Variants in MCIDAS observed in about 807,000 individuals in gnomAD.
The protein encoded by MCIDAS is multiciliate differentiation and DNA synthesis associated cell cycle protein, also known as multicilin.
In MCIDAS, 23 loss-of-function variants were observed where a neutral mutation model predicts 35.4. The observed-to-expected ratio is 0.65, with a 90% confidence interval of 0.47 to 0.92. MCIDAS has a LOEUF of 0.92. MCIDAS is among the 40% of genes least tolerant of loss of function. The pLI is 0.00. For missense variants in MCIDAS, 480 were observed against 531.8 expected (o/e 0.90, Z 0.96); for synonymous variants, 228 against 235.2 (o/e 0.97, Z 0.28).
chr5:55,226,800 A>T, intron 2 of MCIDAS, 35 bp downstream of exon 2: 1 of 1,387,194 alleles, frequency 7.2e-7, no homozygotes, highest in Non-Finnish European at 9.3e-7. Flanking sequence ...CGGCGCGGGG[A>T]ACCCGAGGGG....
chr5:55,226,304 G>C (rs575720682), intron 3 of MCIDAS, among the ~76,000 whole-genome samples: 1 of 152,284 alleles, frequency 6.6e-6, no homozygotes, highest in South Asian at 2.1e-4. Context: ...AGAGTAGATA[G>C]GGTGGGAAAT....
At position 55,226,638 on chromosome 5, in the gene MCIDAS, C is replaced by T; in HGVS notation, c.247G>A (p.Ala83Thr). The T allele has an allele frequency of 6.5e-7, 1 of 1,532,182 alleles. No individual in the cohort carries two copies. Among genetic ancestry groups the T allele is most frequent in the Non-Finnish European group, 8.7e-7 (1 of 1,145,102 alleles). The allele number at this position is 1,532,182 out of a possible 1,614,324, so 94.9% of individuals were successfully genotyped here. ...ALTTIDLQDL[A>T]DCSSLLGSDA... ...GACCCGAGTAGCGAAGAGCAGTCAGCGAGGTCCTGCAGGTCTATGGTGGTG... is the reference window on the plus strand; with the variant it reads ...GACCCGAGTAGCGAAGAGCAGTCAGTGAGGTCCTGCAGGTCTATGGTGGTG... The change falls in exon 3 of 7, where the codon GCT becomes ACT. Residue 83 changes from alanine (A) to threonine (T), a missense_variant. By Grantham distance (58) the Ala-to-Thr change is moderately conservative (BLOSUM62 0). Coordinates refer to ENST00000513312, the MANE Select transcript of MCIDAS (RefSeq NM_001190787.3).
intron 3 of MCIDAS, among the ~76,000 whole-genome samples, chr5:55,226,313 A>G (rs1408297468): frequency 1.3e-5 from 2 of 152,160 alleles, no homozygotes; most frequent in African/African-American, 4.8e-5. Context: ...AGGGTGGGAA[A>G]TAGGAGGGGA....
chr5:55,222,110 C>T (rs1452848526), intron 5 of MCIDAS, 66 bp downstream of exon 5: 1 of 1,472,820 alleles, frequency 6.8e-7, no homozygotes, highest in East Asian at 2.5e-5. Context: ...CCTTGCAAAC[C>T]CCACTTCCAC....
Position 55,222,175 on chromosome 5 carries a change from C to T in MCIDAS, c.606+1G>A, listed in dbSNP as rs1280692101. The T allele has an allele frequency of 5.2e-6, 8 of 1,534,536 alleles. No homozygotes were observed. Among genetic ancestry groups the T allele is most frequent in the Non-Finnish European group, 7.0e-6 (8 of 1,146,866 alleles). ...CCTGGTCGCCAGACCAGTGTCCCTA[C>T]TTGATTATTCTCAACAAGCGCGTCT... is the stretch of plus-strand genomic sequence containing the variant. On this transcript the variant is annotated splice_donor_variant, in intron 5 of 6. Coordinates refer to ENST00000513312, the MANE Select transcript of MCIDAS (RefSeq NM_001190787.3). LOFTEE classifies it high-confidence loss of function.
Position 55,223,715 on chromosome 5 carries a change from C to T in MCIDAS, c.310-692G>A, listed in dbSNP as rs179795. Reference sequence around the variant, plus strand: ...GGTTTGGCCCCAGCTAACCGCCCCACCCATGCAACCGAGCGGGAAGAAAGC... The same window carrying T: ...GGTTTGGCCCCAGCTAACCGCCCCATCCATGCAACCGAGCGGGAAGAAAGC... On this transcript the variant is annotated intron_variant, in intron 3 of 6. Transcript: ENST00000513312. The surrounding 1 kb of genome is among the most constrained non-coding windows in gnomAD (Gnocchi z 4.4). Among the ~76,000 whole-genome samples the T allele has an allele frequency of 0.82, 125,442 of 152,186 alleles. 51,753 individuals are homozygous for T. The highest frequency in any genetic ancestry group is 0.87 in the Middle Eastern group (257 of 294).
chr5:55,222,316 G>T lies in MCIDAS; in HGVS notation c.466C>A (p.Leu156Ile). 1 of 1,535,368 alleles carries T rather than the reference G, an allele frequency of 6.5e-7. No individual in the cohort carries two copies. The highest frequency in any genetic ancestry group is 8.7e-7 in the Non-Finnish European group (1 of 1,146,484). The change falls in exon 5 of 7, where the codon CTC (leucine) becomes ATC (isoleucine). Residue 156 changes from leucine (L) to isoleucine (I), a missense_variant. Physicochemically the swap from Leu to Ile is conservative, Grantham distance 5. Transcript: ENST00000513312. The stretch of plus-strand genomic sequence containing the variant: ...GCCCGTGGGTCCAGTGGCGGGGAGA[G>T]GCAGGGCCCGAATGGTGATATGTCG... ...PCDISPFGPC[L>I]SPPLDPRALQ...
chr5:55,226,499 T>G (rs1016852154), intron 3 of MCIDAS, 77 bp downstream of exon 3: 3 of 1,393,744 alleles, frequency 2.2e-6, no homozygotes, highest in African/African-American at 2.9e-5. Flanking sequence ...GAGGAGCTTT[T>G]GGGGAATTAA....
rs1338382251 is a variant in MCIDAS, at chr5:55,220,888, G to T, written c.718-82C>A. 3 of 1,459,448 alleles carry T rather than the reference G, an allele frequency of 2.1e-6. No homozygotes were observed. The African/African-American group carries it at 4.2e-5, about 21-fold the overall frequency. 90.4% of individuals were successfully genotyped at this position (1,459,448 alleles called of 1,614,324 possible). A position where few individuals can be genotyped will look rare whatever the true frequency, so the allele number is the denominator to read the frequency against. On this transcript the variant is annotated intron_variant, in intron 6 of 6. Transcript: ENST00000513312. ...AGCGTGCAAAAGGTGACCTAGGCGC[G>T]CTACGCACCACGCACTCAGCGGTAC...
At chr5:55,226,958 CG>C in intron 1 of MCIDAS, 27 bp from the exon 2 acceptor site, 2 of 1,484,510 alleles carry the variant, frequency 1.3e-6, no homozygotes, top group Non-Finnish European at 1.8e-6. Flanking sequence ...ACGTTGAACG[CG>C]GGTCAGCCCT....
chr5:55,222,364 C>G lies in MCIDAS; in HGVS notation c.418G>C (p.Gly140Arg), dbSNP rs747202685. 30 of 1,528,364 alleles carry G rather than the reference C, an allele frequency of 2.0e-5. No individual in the cohort carries two copies. In the Middle Eastern group the frequency reaches 1.7e-3, roughly 86 times the overall value. 94.7% of individuals were successfully genotyped at this position (1,528,364 alleles called of 1,614,324 possible). A position where few individuals can be genotyped will look rare whatever the true frequency, so the allele number is the denominator to read the frequency against. Residue 140 changes from glycine (G) to arginine (R), a missense_variant, in exon 5 of 7, where the codon GGA (glycine) becomes CGA (arginine). Transcript: ENST00000513312. ...TCGCAAGGAGAGAAGGGGAAGTCTCCGCTGGCCAGGGTAGGCGACATCATA... is the reference window on the plus strand; with the variant it reads ...TCGCAAGGAGAGAAGGGGAAGTCTCGGCTGGCCAGGGTAGGCGACATCATA... ...SSMMSPTLAS[G>R]DFPFSPCDIS...
rs1745376494 is a variant in MCIDAS at position 55,222,337 on chromosome 5, T to C, written c.445A>G (p.Ile149Val). Residue 149 changes from isoleucine (I) to valine (V), a missense_variant, in exon 5 of 7, where the codon ATA (isoleucine) becomes GTA (valine). Physicochemically the swap from Ile to Val is conservative, Grantham distance 29. Transcript: ENST00000513312. ...GAGAGGCAGGGCCCGAATGGTGATA[T>C]GTCGCAAGGAGAGAAGGGGAAGTCT... is the stretch of plus-strand genomic sequence containing the variant. ...SGDFPFSPCDISPFGPCLSPP... is the reference protein window; with the variant it reads ...SGDFPFSPCDVSPFGPCLSPP... The C allele has an allele frequency of 1.3e-6, 2 of 1,534,442 alleles. No homozygotes were observed. The highest frequency in any genetic ancestry group is 1.7e-6 in the Non-Finnish European group (2 of 1,145,886).
intron 4 of MCIDAS, 141 bp downstream of exon 4, chr5:55,222,810 G>T: frequency 2.8e-6 from 2 of 721,732 alleles, no homozygotes; most frequent in Admixed American, 2.5e-5. Context: ...TATGGAAAAG[G>T]CTGACTCTTT....
intron 3 of MCIDAS, among the ~76,000 whole-genome samples, chr5:55,225,216 A>G (rs1745435771): frequency 6.6e-6 from 1 of 152,176 alleles, no homozygotes; most frequent in African/African-American, 2.4e-5. Context: ...TCAAAAAAAG[A>G]AAAAGAAAAT....
rs463351 is a variant in MCIDAS, at chr5:55,220,230, A to C, written c.*136T>G. On this transcript the variant is annotated 3_prime_UTR_variant, in exon 7 of 7. Coordinates refer to ENST00000513312, the MANE Select transcript of MCIDAS (RefSeq NM_001190787.3). The stretch of plus-strand genomic sequence containing the variant: ...CAATGTTTTGTAGCAGAAATTTACA[A>C]TGCATCGGTATCAAGATGCTTTTGT... 1 of 810,012 alleles carries C rather than the reference A, an allele frequency of 1.2e-6. No homozygotes were observed. Among genetic ancestry groups the C allele is most frequent in the Admixed American group, 2.9e-5 (1 of 34,252 alleles). 50.2% of individuals were successfully genotyped at this position (810,012 alleles called of 1,614,324 possible). A position where few individuals can be genotyped will look rare whatever the true frequency, so the allele number is the denominator to read the frequency against.
rs1280513752 is a variant in MCIDAS at position 55,220,731 on chromosome 5, T to G, written c.793A>C (p.Ser265Arg). 5.0e-5 allele frequency: 77 copies of G among 1,535,776 alleles called. No individual in the cohort carries two copies. The highest frequency in any genetic ancestry group is 6.5e-5 in the Non-Finnish European group (74 of 1,146,724). ...PFLLKAKAKR[S>R]LEELVSAAGQ... ...GCAGCGCTGACCAACTCCTCCAGGC[T>G]CCTTTTGGCCTTCGCCTTGAGCAGG... Residue 265 changes from serine (S) to arginine (R), a missense_variant, in exon 7 of 7, where the codon AGC becomes CGC. Transcript: ENST00000513312.
Position 55,227,309 on chromosome 5 carries a change from T to G in MCIDAS, c.-171A>C. On this transcript the variant is annotated 5_prime_UTR_variant, in exon 1 of 7. Transcript: ENST00000513312. ...GGGCTGCCGAGGAGGTGCTGAGAGA[T>G]GGCGGGGGAGGGGGAGGACCGCCGC... The G allele has an allele frequency of 3.5e-6, 3 of 856,686 alleles. No homozygotes were observed. The highest frequency in any genetic ancestry group is 4.8e-6 in the Non-Finnish European group (3 of 626,794). 53.1% of individuals were successfully genotyped at this position (856,686 alleles called of 1,614,324 possible).
Position 55,221,274 on chromosome 5 carries a change from C to CTT in MCIDAS, c.607-150_607-149dup, listed in dbSNP as rs34101652. 3,851 of 463,414 alleles carry CTT rather than the reference C, an allele frequency of 8.3e-3. 9 individuals are homozygous for CTT. Among genetic ancestry groups the CTT allele is most frequent in the East Asian group, 0.042 (1,094 of 26,228 alleles). The allele number at this position is 463,414 out of a possible 1,614,324, so 28.7% of individuals were successfully genotyped here. On this transcript the variant is annotated intron_variant, in intron 5 of 6. Coordinates refer to ENST00000513312, the MANE Select transcript of MCIDAS (RefSeq NM_001190787.3). ...GCTAGTGAGAATAATAATCAATTTA[C>CTT]TTTTTTTTTAAAACAAAGCACTTGG... is the stretch of plus-strand genomic sequence containing the variant.
chr5:55,224,150 A>G (rs1316169596), intron 3 of MCIDAS, among the ~76,000 whole-genome samples: 1 of 151,990 alleles, frequency 6.6e-6, no homozygotes, highest in Non-Finnish European at 1.5e-5. Context: ...TCCTGCCTCC[A>G]TACTTCATTT....
Sources: allele counts gnomAD v4.1 joint callset (sites outside exome capture counted in the v4.1 genomes callset), GRCh38; gene constraint gnomAD v4.1.1; non-coding constraint Gnocchi (gnomAD v3.1); transcripts MANE v1.5; gene names NCBI Gene and HGNC (gene_info 2026-07-23, HGNC 2026-07-21).